BCO1: variants seen among roughly 807,000 people sequenced by gnomAD.
BCO1 encodes beta-carotene oxygenase 1.
A neutral mutation model predicts 56.3 loss-of-function variants in BCO1; 54 were observed. The ratio of observed to expected loss-of-function variants is 0.96; its 90% CI spans 0.77 to 1.20. The LOEUF is 1.20. BCO1 is among the 50% of genes most tolerant of loss of function. The pLI is 0.00. For synonymous variants in BCO1, 318 were observed against 266.1 expected, an observed-to-expected ratio of 1.20 and a Z score of -1.90; for missense variants, 801 against 690.9, an observed-to-expected ratio of 1.16 and a Z score of -1.79.
At chr16:81,251,765 G>A (rs774431959) in intron 2 of BCO1, among the ~76,000 whole-genome samples, 5 of 151,254 alleles carry the variant, frequency 3.3e-5, no homozygotes, top group African/African-American at 2.4e-5. Context: ...TTAATTTTCC[G>A]ATAAAATTAA....
intron 7 of BCO1, among the ~76,000 whole-genome samples, chr16:81,276,806 C>T (rs368055780): frequency 2.0e-5 from 3 of 152,186 alleles, no homozygotes; most frequent in South Asian, 4.1e-4. Flanking sequence ...GTGGCTCACG[C>T]GTGTAAACCC....
chr16:81,256,988 T>C (rs1424338563), intron 2 of BCO1, among the ~76,000 whole-genome samples: 1 of 152,166 alleles, frequency 6.6e-6, no homozygotes, highest in Non-Finnish European at 1.5e-5. Flanking sequence ...CCCTCTCTAA[T>C]GTTCCAGCCC....
Position 81,245,465 on chromosome 16 carries a change from C to A in BCO1, c.65-10C>A. Reference sequence around the variant, plus strand: ...GGAAACGGGAAACTAAACATTCTCTCTTTTCTCAGGCAAGATTCCAGCATG... The same window carrying A: ...GGAAACGGGAAACTAAACATTCTCTATTTTCTCAGGCAAGATTCCAGCATG... On this transcript the variant is annotated splice_polypyrimidine_tract_variant and intron_variant, in intron 1 of 10. Transcript: ENST00000258168. The A allele has an allele frequency of 1.2e-6, 2 of 1,614,214 alleles. No individual in the cohort carries two copies. The highest frequency in any genetic ancestry group is 1.7e-6 in the Non-Finnish European group (2 of 1,180,036).
At chr16:81,258,004 G>T (rs1307970511) in intron 2 of BCO1, among the ~76,000 whole-genome samples, 1 of 152,094 alleles carries the variant, frequency 6.6e-6, no homozygotes, top group Non-Finnish European at 1.5e-5. Flanking sequence ...AGGAGCGTCA[G>T]CCTCAGAGGA....
At chr16:81,262,537 A>T in intron 4 of BCO1, 2 of 459,504 alleles carry the variant, frequency 4.4e-6, no homozygotes, top group East Asian at 9.0e-5. Context: ...GCTTTAAACA[A>T]CAGAAATTGG....
At chr16:81,286,069 A>G (rs1908164317) in intron 9 of BCO1, among the ~76,000 whole-genome samples, 1 of 151,902 alleles carries the variant, frequency 6.6e-6, no homozygotes, top group African/African-American at 2.4e-5. Flanking sequence ...AAAAATACAG[A>G]AAGAGACAGA....
At chr16:81,279,668 C>T (rs891094814) in intron 7 of BCO1, among the ~76,000 whole-genome samples, 3 of 152,102 alleles carry the variant, frequency 2.0e-5, no homozygotes, top group Admixed American at 6.5e-5. Flanking sequence ...CAAGGCCCCA[C>T]GGTTAGTACA....
At chr16:81,255,522 T>C (rs536401791) in intron 2 of BCO1, among the ~76,000 whole-genome samples, 1 of 151,978 alleles carries the variant, frequency 6.6e-6, no homozygotes, top group East Asian at 1.9e-4. Flanking sequence ...TTTTTTGAGA[T>C]GGAGTCTCGC....
At chr16:81,285,977 C>CA (rs554427333) in intron 9 of BCO1, among the ~76,000 whole-genome samples, 8 of 152,080 alleles carry the variant, frequency 5.3e-5, no homozygotes, top group Non-Finnish European at 1.2e-4. Flanking sequence ...CCCTCTCCAG[C>CA]AGAGAGGGTG....
At chr16:81,239,039 C>T (rs537104256) in intron 1 of BCO1, 67 bp downstream of exon 1, 69 of 1,303,480 alleles carry the variant, frequency 5.3e-5, no homozygotes, top group South Asian at 4.8e-4. Context: ...TTTTTTGAGG[C>T]GGAGTCTCGC....
chr16:81,274,774 A>G (rs1907452929), intron 7 of BCO1, among the ~76,000 whole-genome samples: 1 of 152,254 alleles, frequency 6.6e-6, no homozygotes, highest in East Asian at 1.9e-4. Flanking sequence ...GCTACTCAGG[A>G]GGCTGAGGCA....
chr16:81,249,431 T>G (rs1442842999), intron 2 of BCO1, among the ~76,000 whole-genome samples: 3 of 152,172 alleles, frequency 2.0e-5, no homozygotes, highest in African/African-American at 7.2e-5. Context: ...TAATTTTTTG[T>G]ATTTTTAGTA....
At chr16:81,239,062 G>A (rs2055362661) in intron 1 of BCO1, 90 bp downstream of exon 1, 14 of 1,205,812 alleles carry the variant, frequency 1.2e-5, no homozygotes, top group Middle Eastern at 2.8e-4. Context: ...TGTCGCCCGG[G>A]CTGGAGTCCA....
intron 1 of BCO1, 45 bp downstream of exon 1, chr16:81,239,017 A>ATTT: frequency 6.7e-7 from 1 of 1,490,616 alleles, no homozygotes; most frequent in Non-Finnish European, 9.1e-7. Flanking sequence ...TATTTATTTT[A>ATTT]TTATTTTTTT....
chr16:81,270,990 C>T (rs372337158), intron 7 of BCO1, among the ~76,000 whole-genome samples: 4 of 152,288 alleles, frequency 2.6e-5, no homozygotes, highest in East Asian at 3.9e-4. Context: ...GTGATCCACC[C>T]GCCTCGGCCT....
At chr16:81,259,362 C>T (rs1053182969) in intron 2 of BCO1, among the ~76,000 whole-genome samples, 17 of 151,970 alleles carry the variant, frequency 1.1e-4, no homozygotes, top group African/African-American at 2.4e-4. Flanking sequence ...GTCGTGGTGG[C>T]GCATGCCTAT....
chr16:81,262,842 A>AAAAACC (rs1567452811), intron 4 of BCO1: 1 of 63,542 alleles, frequency 1.6e-5, no homozygotes, highest in African/African-American at 1.3e-4. Flanking sequence ...AAAACAAAAA[A>AAAAACC]AAAAAAAAAA....
At position 81,290,599 on chromosome 16, in the gene BCO1, G is replaced by C. The variant is rs200512526; in HGVS notation, c.*22G>C. On this transcript the variant is annotated 3_prime_UTR_variant, in exon 11 of 11. Coordinates refer to ENST00000258168, the MANE Select transcript of BCO1 (RefSeq NM_017429.3). The stretch of plus-strand genomic sequence containing the variant: ...CTGATGGTGTTGGGGTTTGGGTAGG[G>C]GAGGGGAGCTCGGCTGTCAGAACTC... The C allele has an allele frequency of 6.3e-7, 1 of 1,587,608 alleles. No homozygotes were observed. The highest frequency in any genetic ancestry group is 1.7e-5 in the Admixed American group (1 of 59,956).
chr16:81,287,446 C>T (rs370207442), intron 10 of BCO1, 40 bp downstream of exon 10: 181 of 1,500,720 alleles, frequency 1.2e-4, no homozygotes, highest in Admixed American at 1.5e-4. Flanking sequence ...CTGCACGTTA[C>T]TGCAGATCGC....
Sources: allele counts gnomAD v4.1 joint callset (sites outside exome capture counted in the v4.1 genomes callset), GRCh38; gene constraint gnomAD v4.1.1; transcripts MANE v1.5; gene names NCBI Gene and HGNC (gene_info 2026-07-23, HGNC 2026-07-21).